Variants in HCN1 observed in about 807,000 individuals in gnomAD.
The protein encoded by HCN1 is potassium/sodium hyperpolarization-activated cyclic nucleotide-gated channel 1.
Under a neutral mutation model 78.9 loss-of-function variants are expected in HCN1, and 13 were observed. That is an observed-to-expected ratio of 0.16 (90% CI 0.11 to 0.26). The LOEUF (loss-of-function observed/expected upper bound fraction) is 0.26, where lower values mean the gene tolerates loss of function less well. Among genes scored for constraint, HCN1 ranks in the 10% least tolerant of loss-of-function variants. The probability of loss-of-function intolerance (pLI) is 1.00; values close to 1 mark genes in which losing one functional copy is unlikely to be tolerated. For missense variants in HCN1, 810 were observed against 1,154.3 expected (o/e 0.70, Z 4.32); for synonymous variants, 552 against 455.5 (o/e 1.21, Z -2.70).
intron 5 of HCN1, among the ~76,000 whole-genome samples, chr5:45,320,313 T>C (rs2111934438): frequency 6.6e-6 from 1 of 152,014 alleles, no homozygotes; most frequent in South Asian, 2.1e-4. Context: ...CATTTTTTCT[T>C]TCCAATTCAG....
At chr5:45,523,187 C>T (rs752338085) in intron 2 of HCN1, among the ~76,000 whole-genome samples, 1 of 152,156 alleles carries the variant, frequency 6.6e-6, no homozygotes, top group Non-Finnish European at 1.5e-5. Flanking sequence ...AGGACATGAA[C>T]TCATCATTTC....
At chr5:45,281,569 C>T (rs1002667146) in intron 6 of HCN1, among the ~76,000 whole-genome samples, 1 of 145,908 alleles carries the variant, frequency 6.9e-6, no homozygotes, top group East Asian at 2.0e-4. Context: ...TATACAAGAG[C>T]TCTTCTCTTC....
At chr5:45,372,255 A>G (rs1456361672) in intron 4 of HCN1, among the ~76,000 whole-genome samples, 2 of 72,566 alleles carry the variant, frequency 2.8e-5, no homozygotes, top group Non-Finnish European at 4.5e-5. Context: ...TATATAATAT[A>G]TATTTATATA....
At chr5:45,417,709 C>T (rs370694790) in intron 3 of HCN1, among the ~76,000 whole-genome samples, 90 of 142,638 alleles carry the variant, frequency 6.3e-4, no homozygotes, top group African/African-American at 1.9e-3. Flanking sequence ...AAAGCAGCTT[C>T]CTTAAATAAG....
chr5:45,502,829 G>C (rs1397329131), intron 2 of HCN1, among the ~76,000 whole-genome samples: 2 of 152,032 alleles, frequency 1.3e-5, no homozygotes, highest in Admixed American at 1.3e-4. Flanking sequence ...AAACACAAAA[G>C]AATGTTGACT....
At chr5:45,647,642 CAGT>C (rs1330712799) in intron 1 of HCN1, among the ~76,000 whole-genome samples, 1 of 152,126 alleles carries the variant, frequency 6.6e-6, no homozygotes, top group Non-Finnish European at 1.5e-5. Context: ...TCCTCATAAT[CAGT>C]AGCCCGTTAA....
intron 6 of HCN1, among the ~76,000 whole-genome samples, chr5:45,271,750 T>A (rs1290079910): frequency 1.3e-5 from 2 of 152,162 alleles, no homozygotes; most frequent in African/African-American, 4.8e-5. Context: ...ATAAATTATT[T>A]AATCACCTAC....
intron 2 of HCN1, among the ~76,000 whole-genome samples, chr5:45,531,740 C>T (rs1018577572): frequency 6.6e-6 from 1 of 151,764 alleles, no homozygotes; most frequent in Non-Finnish European, 1.5e-5. Context: ...CAAATATGTT[C>T]CAACATGACA....
chr5:45,640,075 C>A (rs1745423578), intron 2 of HCN1, among the ~76,000 whole-genome samples: 1 of 152,176 alleles, frequency 6.6e-6, no homozygotes, highest in African/African-American at 2.4e-5. Flanking sequence ...TTCAAGGCCT[C>A]CTCTTGTGCA....
chr5:45,473,783 C>T (rs1274529679), intron 2 of HCN1, among the ~76,000 whole-genome samples: 7 of 151,804 alleles, frequency 4.6e-5, no homozygotes, highest in Non-Finnish European at 7.4e-5. Flanking sequence ...AAGTTACCTA[C>T]ATCTTCTTCA....
Position 45,377,569 on chromosome 5 carries a change from T to A in HCN1, c.1230+18923A>T, listed in dbSNP as rs535442806. ...TGAAACTAACCGAGAGCAAAGTTAATGACTTTGGTAAGGCCAGTTAAAAAA... is the reference window on the plus strand; with the variant it reads ...TGAAACTAACCGAGAGCAAAGTTAAAGACTTTGGTAAGGCCAGTTAAAAAA... On this transcript the variant is annotated intron_variant, in intron 4 of 7. Coordinates refer to ENST00000303230, the MANE Select transcript of HCN1 (RefSeq NM_021072.4). Among the ~76,000 whole-genome samples, 100 of 152,066 alleles carry A rather than the reference T, an allele frequency of 6.6e-4. 1 individual carries two copies. In the East Asian group the frequency reaches 0.012, roughly 18 times the overall value.
intron 2 of HCN1, among the ~76,000 whole-genome samples, chr5:45,548,002 T>C (rs1743265262): frequency 6.6e-6 from 1 of 151,946 alleles, no homozygotes; most frequent in Non-Finnish European, 1.5e-5. Flanking sequence ...TCATATCTTT[T>C]CCTTTGGTTG....
At chr5:45,495,775 A>T (rs1742012420) in intron 2 of HCN1, among the ~76,000 whole-genome samples, 1 of 152,228 alleles carries the variant, frequency 6.6e-6, no homozygotes, top group East Asian at 1.9e-4. Context: ...AATACGTCCC[A>T]TGAATACCTA....
chr5:45,452,105 T>C (rs1014675510), intron 3 of HCN1, among the ~76,000 whole-genome samples: 5 of 151,048 alleles, frequency 3.3e-5, no homozygotes, highest in African/African-American at 7.3e-5. Flanking sequence ...TACAAAGATA[T>C]GGTAAATTCC....
chr5:45,355,319 T>G (rs1746987691), intron 4 of HCN1, among the ~76,000 whole-genome samples: 1 of 151,992 alleles, frequency 6.6e-6, no homozygotes, highest in African/African-American at 2.4e-5. Context: ...TGTATGCCAG[T>G]AGTTCTCAAG....
chr5:45,681,263 T>G (rs1739696625), intron 1 of HCN1, among the ~76,000 whole-genome samples: 1 of 152,126 alleles, frequency 6.6e-6, no homozygotes, highest in Admixed American at 6.6e-5. Context: ...TCACTTATTT[T>G]TCAGGTTGCT....
At chr5:45,488,459 A>C (rs1741813902) in intron 2 of HCN1, among the ~76,000 whole-genome samples, 1 of 152,162 alleles carries the variant, frequency 6.6e-6, no homozygotes, top group Admixed American at 6.6e-5. Context: ...TATATCAAAC[A>C]GCAGGGACTG....
intron 6 of HCN1, among the ~76,000 whole-genome samples, chr5:45,300,084 A>G (rs1418015199): frequency 1.3e-5 from 2 of 152,090 alleles, no homozygotes; most frequent in Non-Finnish European, 2.9e-5. Flanking sequence ...TAGTCATATT[A>G]CCAAATTAAC....
At chr5:45,560,250 A>G (rs1164338082) in intron 2 of HCN1, among the ~76,000 whole-genome samples, 1 of 152,116 alleles carries the variant, frequency 6.6e-6, no homozygotes, top group Non-Finnish European at 1.5e-5. Flanking sequence ...TAATGTTTGT[A>G]TGCATTCTTG....
Sources: gnomAD v4.1 joint callset for allele counts (sites outside exome capture counted in the v4.1 genomes callset) on GRCh38, gnomAD v4.1.1 for gene constraint, MANE v1.5 for transcripts, NCBI Gene and HGNC (gene_info 2026-07-23, HGNC 2026-07-21) for gene names.